BEGAIN: variants seen among roughly 807,000 people sequenced by gnomAD.
The protein encoded by BEGAIN is brain-enriched guanylate kinase-associated protein.
BEGAIN carries 19 observed loss-of-function variants against 35.8 expected under a neutral mutation model. The observed-to-expected ratio is 0.53, with a 90% CI of 0.37 to 0.78. The LOEUF (loss-of-function observed/expected upper bound fraction) is 0.78, where lower values mean the gene tolerates loss of function less well. Among genes scored for constraint, BEGAIN ranks in the 30% least tolerant of loss-of-function variants. The pLI is 0.00. For missense variants in BEGAIN, 795 were observed against 853.6 expected (o/e 0.93, Z 0.85); for synonymous variants, 462 against 388.6 (o/e 1.19, Z -2.22).
At chr14:100,543,808 G>T in intron 5 of BEGAIN, 50 bp downstream of exon 5, 1 of 1,463,106 alleles carries the variant, frequency 6.8e-7, no homozygotes. Context: ...GGAAGCCCTC[G>T]CCTAGGCCCA....
intron 2 of BEGAIN, among the ~76,000 whole-genome samples, chr14:100,552,857 G>A (rs2033337844): frequency 6.6e-6 from 1 of 152,244 alleles, no homozygotes; most frequent in Admixed American, 6.5e-5. Flanking sequence ...TGGGCAGACG[G>A]ATGGACTGGG....
intron 1 of BEGAIN, among the ~76,000 whole-genome samples, chr14:100,576,253 T>C (rs1566981649): frequency 6.6e-6 from 1 of 151,994 alleles, no homozygotes; most frequent in Non-Finnish European, 1.5e-5. Context: ...TGGCCATCCC[T>C]GGACAGAGCA....
intron 1 of BEGAIN, among the ~76,000 whole-genome samples, chr14:100,570,359 G>C (rs971540694): frequency 2.0e-5 from 3 of 152,208 alleles, no homozygotes; most frequent in African/African-American, 7.2e-5. Context: ...GACAGGCAGG[G>C]AACAGGCAGC....
intron 1 of BEGAIN, among the ~76,000 whole-genome samples, chr14:100,583,692 C>CT (rs56090356): frequency 0.019 from 2,106 of 108,908 alleles, 106 homozygotes; most frequent in South Asian, 0.026. Flanking sequence ...GTTTTTCTTC[C>CT]TTTTTTTTTT....
intron 2 of BEGAIN, among the ~76,000 whole-genome samples, chr14:100,561,178 C>T (rs952747053): frequency 3.3e-5 from 5 of 152,270 alleles, no homozygotes; most frequent in Admixed American, 6.5e-5. Context: ...GCCTAGGGTG[C>T]GGAAGAGCTG....
rs1595144262 is a variant in BEGAIN, at chr14:100,568,281, C to A, written c.43-342G>T. The A allele has an allele frequency of 5.6e-6, 4 of 712,266 alleles. No homozygotes were observed. Among genetic ancestry groups the A allele is most frequent in the Non-Finnish European group, 8.1e-6 (4 of 491,246 alleles). 44.1% of individuals were successfully genotyped at this position (712,266 alleles called of 1,614,324 possible). The stretch of plus-strand genomic sequence containing the variant: ...GGGGGACTCGGCCTGTCCCCGTTAA[C>A]TCTCCGGCGGCCGCGGCCCCGCTGC... On this transcript the variant is annotated intron_variant, in intron 1 of 6. Transcript: ENST00000554140. The surrounding 1 kb of genome is among the most constrained non-coding windows in gnomAD (Gnocchi z 7.5).
At chr14:100,577,173 C>T (rs565569922) in intron 1 of BEGAIN, 1 of 397,710 alleles carries the variant, frequency 2.5e-6, no homozygotes, top group African/African-American at 2.1e-5. Context: ...CTTAGAGATT[C>T]ATTCTTTTGG....
In BEGAIN at chr14:100,537,585, C is replaced by CA. The variant is rs571248496; in HGVS notation, c.*383dup. On this transcript the variant is annotated 3_prime_UTR_variant, in exon 7 of 7. Coordinates refer to ENST00000554140, the MANE Select transcript of BEGAIN (RefSeq NM_001385089.1). The stretch of plus-strand genomic sequence containing the variant: ...GGGGCAGGCCCCACGCACCCTCGCC[C>CA]AAAAAATAAAGGAGCTTTGTGTTGA... 5.3e-6 allele frequency: 1 copy of CA among 187,842 alleles called. No homozygotes were observed. Among genetic ancestry groups the CA allele is most frequent in the South Asian group, 1.5e-4 (1 of 6,662 alleles). 11.6% of individuals were successfully genotyped at this position (187,842 alleles called of 1,614,324 possible).
intron 1 of BEGAIN, among the ~76,000 whole-genome samples, chr14:100,580,428 C>T (rs2035292014): frequency 6.6e-6 from 1 of 152,144 alleles, no homozygotes; most frequent in East Asian, 1.9e-4. Context: ...CTCTCTGCTA[C>T]CCTCCCGCCC....
At chr14:100,577,798 CCTTGGCTGG>C (rs2035233784) in intron 1 of BEGAIN, 2 of 399,080 alleles carry the variant, frequency 5.0e-6, no homozygotes, top group African/African-American at 2.1e-5. Flanking sequence ...GGGGTTCCGA[CCTTGGCTGG>C]GGCTTGGCAT....
At chr14:100,575,813 G>A (rs1195058259) in intron 1 of BEGAIN, among the ~76,000 whole-genome samples, 1 of 152,042 alleles carries the variant, frequency 6.6e-6, no homozygotes, top group Non-Finnish European at 1.5e-5. Context: ...CTCGCCCCCT[G>A]AACACACTGT....
At chr14:100,539,417 A>ACAGG (rs2031216030) in intron 6 of BEGAIN, 102 bp from the exon 7 acceptor site, 1 of 1,468,402 alleles carries the variant, frequency 6.8e-7, no homozygotes, top group African/African-American at 1.4e-5. Flanking sequence ...GCCATGACCG[A>ACAGG]CAGGCAGACA....
chr14:100,554,030 A>T (rs2033461518), intron 2 of BEGAIN, among the ~76,000 whole-genome samples: 1 of 152,184 alleles, frequency 6.6e-6, no homozygotes, highest in Admixed American at 6.5e-5. Context: ...TTCCTCCGTC[A>T]CGGGGGGCCA....
chr14:100,538,441 C>G lies in BEGAIN; in HGVS notation c.1367G>C (p.Gly456Ala). ...GAYSYPVSAAGRASPCSFSER... is the reference protein window; with the variant it reads ...GAYSYPVSAAARASPCSFSER... ...AGAGAAGCTGCAGGGTGAGGCGCGG[C>G]CGGCAGCGCTCACGGGGTAGGAGTA... The change falls in exon 7 of 7, where the codon GGC (glycine) becomes GCC (alanine). Residue 456 changes from glycine to alanine, a missense_variant. Physicochemically the swap from Gly to Ala is moderately conservative, Grantham distance 60. This residue lies in a region of BEGAIN where 664 missense variants were observed against 647.7 expected (regional missense o/e 1.03). Coordinates refer to ENST00000554140, the MANE Select transcript of BEGAIN (RefSeq NM_001385089.1). 6.3e-7 allele frequency: 1 copy of G among 1,588,534 alleles called. No homozygotes were observed. The highest frequency in any genetic ancestry group is 8.6e-7 in the Non-Finnish European group (1 of 1,169,520).
At chr14:100,542,281 G>A (rs2031741386) in intron 5 of BEGAIN, among the ~76,000 whole-genome samples, 1 of 152,216 alleles carries the variant, frequency 6.6e-6, no homozygotes, top group African/African-American at 2.4e-5. Context: ...CAAGCCAGCC[G>A]GCCAGGGCAT....
At chr14:100,556,383 C>T (rs888300119) in intron 2 of BEGAIN, among the ~76,000 whole-genome samples, 2 of 152,222 alleles carry the variant, frequency 1.3e-5, no homozygotes, top group Admixed American at 6.5e-5. Context: ...GGAGCTGGTA[C>T]ACCATGTCCT....
At chr14:100,549,700 G>C (rs1315654264) in intron 2 of BEGAIN, 1 of 152,286 alleles carries the variant, frequency 6.6e-6, no homozygotes, top group African/African-American at 2.4e-5. Flanking sequence ...ATTCTACATA[G>C]TAGCACCCTC....
intron 2 of BEGAIN, 108 bp from the exon 3 acceptor site, chr14:100,546,770 GCGCGCGCGCGCA>G (rs2032536095): frequency 6.6e-6 from 5 of 761,874 alleles, no homozygotes; most frequent in African/African-American, 3.8e-5. Flanking sequence ...ACCGGCGCGC[GCGCGCGCGCGCA>G]CACACACACA....
intron 1 of BEGAIN, among the ~76,000 whole-genome samples, chr14:100,580,508 T>G (rs901596514): frequency 6.6e-6 from 1 of 151,948 alleles, no homozygotes; most frequent in African/African-American, 2.4e-5. Context: ...CCTCAGGGCC[T>G]TTGCACTTGC....
Sources: allele counts gnomAD v4.1 joint callset (sites outside exome capture counted in the v4.1 genomes callset), GRCh38; gene constraint gnomAD v4.1.1; regional missense constraint gnomAD v4.1.1; non-coding constraint Gnocchi (gnomAD v3.1); transcripts MANE v1.5; gene names NCBI Gene and HGNC (gene_info 2026-07-23, HGNC 2026-07-21).